Variants in KCNK10 observed in about 807,000 individuals in gnomAD.
KCNK10 encodes the protein potassium two pore domain channel subfamily K member 10, also known as potassium channel subfamily K member 10.
KCNK10 carries 25 observed loss-of-function variants against 47.7 expected under a neutral mutation model. That is an observed-to-expected ratio of 0.52 (90% CI 0.38 to 0.73). KCNK10 has a LOEUF of 0.73. KCNK10 is among the 30% of genes least tolerant of loss of function. The probability of loss-of-function intolerance (pLI) is 0.00; values close to 1 mark genes in which losing one functional copy is unlikely to be tolerated. For synonymous variants in KCNK10, 303 were observed against 285.6 expected (o/e 1.06, Z -0.61); for missense variants, 563 against 714.5 (o/e 0.79, Z 2.42).
At chr14:88,238,749 G>T (rs61976991) in intron 3 of KCNK10, among the ~76,000 whole-genome samples, 31,887 of 152,176 alleles carry the variant, frequency 0.21, 4,339 homozygotes, top group Non-Finnish European at 0.3. Flanking sequence ...TTAGCTGTTG[G>T]CCTGTTTCAG....
intron 2 of KCNK10, among the ~76,000 whole-genome samples, chr14:88,258,307 T>C (rs57641261): frequency 2.5e-4 from 37 of 149,884 alleles, no homozygotes; most frequent in African/African-American, 6.2e-4. Flanking sequence ...TTTTTTTTTT[T>C]CGAGATGGAG....
intron 4 of KCNK10, among the ~76,000 whole-genome samples, chr14:88,213,069 TAA>T (rs1885511878): frequency 6.6e-6 from 1 of 152,152 alleles, no homozygotes; most frequent in African/African-American, 2.4e-5. Flanking sequence ...CAAAAAGTCA[TAA>T]AGCTATCTAG....
intron 1 of KCNK10, among the ~76,000 whole-genome samples, chr14:88,287,007 C>T (rs549438025): frequency 6.6e-6 from 1 of 152,124 alleles, no homozygotes; most frequent in Non-Finnish European, 1.5e-5. Context: ...GGCACTATTC[C>T]AAGTGCTTTA....
Position 88,322,287 on chromosome 14 carries a change from GC to G in KCNK10, c.52+459del, listed in dbSNP as rs1482160230. 2.6e-5 allele frequency among the ~76,000 whole-genome samples: 4 copies of G among 152,144 alleles called. No individual in the cohort carries two copies. The highest frequency in any genetic ancestry group is 9.7e-5 in the African/African-American group (4 of 41,436). On this transcript the variant is annotated intron_variant, in intron 1 of 6. Coordinates refer to ENST00000319231, the MANE Select transcript of KCNK10 (RefSeq NM_138317.3). This position sits in a 1 kb window ranked among gnomAD's most constrained non-coding sequence, Gnocchi z 4.8. ...CCTAGGGACGGCTGCTGCAACTCGA[GC>G]CCCACTTGCTGCCAGGAAACCTTTC... is the stretch of plus-strand genomic sequence containing the variant.
chr14:88,298,124 T>C (rs889057781), intron 1 of KCNK10, among the ~76,000 whole-genome samples: 2 of 152,108 alleles, frequency 1.3e-5, no homozygotes, highest in African/African-American at 4.8e-5. Context: ...TATAAGGAAA[T>C]TGAAAAGGAA....
rs574614791 is a variant in KCNK10, at chr14:88,270,756, C to T, written c.53-7205G>A. 3.8e-6 allele frequency: 3 copies of T among 781,070 alleles called. No individual in the cohort carries two copies. In the African/African-American group the frequency reaches 5.1e-5, roughly 13 times the overall value. The allele number at this position is 781,070 out of a possible 1,614,324, so 48.4% of individuals were successfully genotyped here. A position where few individuals can be genotyped will look rare whatever the true frequency, so the allele number is the denominator to read the frequency against. ...CTCTCACCTGAATCACTGCGACAGC[C>T]TTCAGTCCTGTCCCCCTTAAATCCA... On this transcript the variant is annotated intron_variant, in intron 1 of 6. Transcript: ENST00000319231.
At chr14:88,251,842 G>T (rs920037563) in intron 2 of KCNK10, among the ~76,000 whole-genome samples, 4 of 152,116 alleles carry the variant, frequency 2.6e-5, no homozygotes, top group Admixed American at 2.0e-4. Flanking sequence ...CTTCTCTCAA[G>T]TCCTCAGCCA....
intron 5 of KCNK10, among the ~76,000 whole-genome samples, chr14:88,191,258 C>T (rs1421998383): frequency 7.2e-6 from 1 of 139,154 alleles, no homozygotes; most frequent in South Asian, 2.5e-4. Flanking sequence ...TCAAAAAAAA[C>T]AAAAACAAAA....
chr14:88,298,766 C>T (rs1272642299), intron 1 of KCNK10, among the ~76,000 whole-genome samples: 2 of 152,288 alleles, frequency 1.3e-5, no homozygotes, highest in Admixed American at 1.3e-4. Context: ...CCTTCCATGG[C>T]TCCTGATCAT....
chr14:88,216,552 G>A (rs1011683638), intron 4 of KCNK10, among the ~76,000 whole-genome samples: 4 of 152,082 alleles, frequency 2.6e-5, no homozygotes, highest in South Asian at 2.1e-4. Flanking sequence ...CAATAGTATC[G>A]AGGCTGAGCA....
intron 1 of KCNK10, among the ~76,000 whole-genome samples, chr14:88,276,278 C>CTTTTTTTTTTTTTTTTTTTTTTTTTTTTT (rs1226008408): frequency 1.3e-5 from 2 of 151,318 alleles, no homozygotes; most frequent in African/African-American, 4.9e-5. Flanking sequence ...AGAGAGATCT[C>CTTTTTTTTTTTTTTTTTTTTTTTTTTTTT]TTGGTCCTTC....
At chr14:88,296,169 G>A (rs950452069) in intron 1 of KCNK10, among the ~76,000 whole-genome samples, 4 of 151,984 alleles carry the variant, frequency 2.6e-5, no homozygotes, top group Non-Finnish European at 4.4e-5. Context: ...TCACATAACC[G>A]GACATAAAGT....
chr14:88,314,554 G>T (rs1004082684), intron 1 of KCNK10, among the ~76,000 whole-genome samples: 1 of 152,172 alleles, frequency 6.6e-6, no homozygotes, highest in South Asian at 2.1e-4. Context: ...TCTTTCACTG[G>T]TCTTTTCTCT....
intron 2 of KCNK10, among the ~76,000 whole-genome samples, chr14:88,242,086 C>A (rs1314096099): frequency 6.6e-6 from 1 of 152,202 alleles, no homozygotes; most frequent in East Asian, 1.9e-4. Flanking sequence ...GTTCCTTGGG[C>A]AAACCTGGAA....
intron 4 of KCNK10, among the ~76,000 whole-genome samples, chr14:88,197,572 TAAAAAAAAAAAAAAAAAAAA>T (rs71417717): frequency 1.6e-3 from 27 of 17,160 alleles, no homozygotes; most frequent in African/African-American, 1.7e-3. Flanking sequence ...AGACTCCGAC[TAAAAAAAAAAAAAAAAAAAA>T]AAAAAAAAAA....
intron 1 of KCNK10, among the ~76,000 whole-genome samples, chr14:88,299,527 A>G (rs1888053580): frequency 6.6e-6 from 1 of 152,242 alleles, no homozygotes; most frequent in South Asian, 2.1e-4. Context: ...TGTCACAGTT[A>G]GAAAGCTGTA....
intron 1 of KCNK10, among the ~76,000 whole-genome samples, chr14:88,280,894 G>A (rs992936854): frequency 2.0e-5 from 3 of 152,076 alleles, no homozygotes; most frequent in African/African-American, 7.2e-5. Context: ...AAATCTTTTC[G>A]AAACATAAAT....
At chr14:88,295,158 T>C (rs1252362416) in intron 1 of KCNK10, among the ~76,000 whole-genome samples, 1 of 152,222 alleles carries the variant, frequency 6.6e-6, no homozygotes, top group Non-Finnish European at 1.5e-5. Context: ...GTTATTGTTC[T>C]GGCCATTCAG....
intron 1 of KCNK10, among the ~76,000 whole-genome samples, chr14:88,309,295 G>A (rs757541009): frequency 6.6e-6 from 1 of 152,188 alleles, no homozygotes; most frequent in African/African-American, 2.4e-5. Flanking sequence ...CCCATAGGAG[G>A]GAGAATAGCA....
Sources: gnomAD v4.1 joint callset for allele counts (sites outside exome capture counted in the v4.1 genomes callset) on GRCh38, gnomAD v4.1.1 for gene constraint, Gnocchi (gnomAD v3.1) non-coding constraint, MANE v1.5 for transcripts, NCBI Gene and HGNC (gene_info 2026-07-23, HGNC 2026-07-21) for gene names.